The following ARHGEF37 variants were observed in gnomAD, a reference collection of about 807,000 sequenced individuals.
ARHGEF37 encodes Rho guanine nucleotide exchange factor 37, also known as Rho guanine nucleotide exchange factor (GEF) 37.
A neutral mutation model predicts 71.1 loss-of-function variants in ARHGEF37; 55 were observed. The observed-to-expected ratio is 0.77, with a 90% CI of 0.62 to 0.97. The LOEUF (loss-of-function observed/expected upper bound fraction) is 0.97, where lower values mean the gene tolerates loss of function less well. Ranked by LOEUF, ARHGEF37 falls within the 50% of genes least tolerant of loss-of-function variation. The probability of loss-of-function intolerance (pLI) is 0.00; values close to 1 mark genes in which losing one functional copy is unlikely to be tolerated. For synonymous variants in ARHGEF37, 327 were observed against 350.6 expected (o/e 0.93, Z 0.75); for missense variants, 765 against 836.8 (o/e 0.91, Z 1.06).
At chr5:149,574,620 C>G (rs1396985364) in intron 1 of ARHGEF37, among the ~76,000 whole-genome samples, 3 of 152,192 alleles carry the variant, frequency 2.0e-5, no homozygotes, top group Non-Finnish European at 4.4e-5. Flanking sequence ...ACCTCCTAGT[C>G]TATATTGCCA....
chr5:149,556,353 C>T (rs1762755751), intron 1 of ARHGEF37, among the ~76,000 whole-genome samples: 1 of 142,306 alleles, frequency 7.0e-6, no homozygotes, highest in South Asian at 2.2e-4. Context: ...GCCACCATGC[C>T]CAGCTAGTTT....
intron 1 of ARHGEF37, among the ~76,000 whole-genome samples, chr5:149,569,951 CT>C (rs1476092510): frequency 1.3e-5 from 2 of 152,084 alleles, no homozygotes; most frequent in African/African-American, 2.4e-5. Flanking sequence ...AACTGCCAAA[CT>C]TTTTTTCCAA....
chr5:149,568,234 C>G (rs1413649907), intron 1 of ARHGEF37, among the ~76,000 whole-genome samples: 2 of 151,950 alleles, frequency 1.3e-5, no homozygotes, highest in African/African-American at 4.8e-5. Context: ...GCCATATTGC[C>G]TAGGTTGGTC....
chr5:149,613,641 G>A (rs900632751), intron 4 of ARHGEF37, among the ~76,000 whole-genome samples: 7 of 152,096 alleles, frequency 4.6e-5, no homozygotes, highest in South Asian at 2.1e-4. Flanking sequence ...CACGGCGCCC[G>A]TCTGATAGAA....
At chr5:149,619,745 A>C (rs1373247907) in intron 7 of ARHGEF37, among the ~76,000 whole-genome samples, 1 of 152,200 alleles carries the variant, frequency 6.6e-6, no homozygotes, top group Non-Finnish European at 1.5e-5. Context: ...GAAAAGTATT[A>C]ATAGAACATG....
rs531045351 is a variant in ARHGEF37 at position 149,618,168 on chromosome 5, C to G, written c.659-8C>G. 1.9e-6 allele frequency: 3 copies of G among 1,613,832 alleles called. No homozygotes were observed. The highest frequency in any genetic ancestry group is 1.7e-6 in the Non-Finnish European group (2 of 1,179,916). On this transcript the variant is annotated splice_polypyrimidine_tract_variant and splice_region_variant and intron_variant, in intron 5 of 12. Transcript: ENST00000333677. ...TCACCGTGCTTCCCCTCTTCTCTGT[C>G]GTTGCAGCCTCCAAGTACACCAAGG...
intron 1 of ARHGEF37, among the ~76,000 whole-genome samples, chr5:149,582,256 A>G (rs1362180654): frequency 6.6e-6 from 1 of 152,232 alleles, no homozygotes; most frequent in Non-Finnish European, 1.5e-5. Context: ...CACTCCCAGC[A>G]GAAGGGTTCA....
At chr5:149,563,387 C>T (rs1330756201) in intron 1 of ARHGEF37, among the ~76,000 whole-genome samples, 1 of 152,180 alleles carries the variant, frequency 6.6e-6, no homozygotes. Context: ...AGACTTAAGA[C>T]TCTTTCTACT....
intron 10 of ARHGEF37, among the ~76,000 whole-genome samples, chr5:149,626,241 AACAC>A (rs58263212): frequency 0.088 from 11,743 of 133,472 alleles, 562 homozygotes; most frequent in East Asian, 0.17. Flanking sequence ...GAGCATGGTG[AACAC>A]ACACACACAC....
At chr5:149,626,935 C>T in intron 10 of ARHGEF37, 141 bp from the exon 11 acceptor site, 1 of 787,304 alleles carries the variant, frequency 1.3e-6, no homozygotes. Context: ...GGCCCTGTTG[C>T]CCTGATCAGG....
At chr5:149,562,349 G>A (rs966856978) in intron 1 of ARHGEF37, among the ~76,000 whole-genome samples, 4 of 152,242 alleles carry the variant, frequency 2.6e-5, no homozygotes, top group Non-Finnish European at 4.4e-5. Context: ...TTCCTGGCCA[G>A]TATAAGAGCT....
chr5:149,575,671 ATTTTTTTTTTT>A (rs751297275), intron 1 of ARHGEF37, among the ~76,000 whole-genome samples: 39,507 of 107,618 alleles, frequency 0.37, 6,052 homozygotes, highest in South Asian at 0.5. Context: ...CCAAATGACT[ATTTTTTTTTTT>A]TTTTTTTTTT....
intron 4 of ARHGEF37, among the ~76,000 whole-genome samples, chr5:149,613,046 C>T (rs1482540897): frequency 6.6e-6 from 1 of 152,204 alleles, no homozygotes; most frequent in East Asian, 1.9e-4. Flanking sequence ...GAAAAGGCGG[C>T]CTTGCAGAGG....
At chr5:149,563,475 C>G (rs1580880865) in intron 1 of ARHGEF37, among the ~76,000 whole-genome samples, 1 of 152,180 alleles carries the variant, frequency 6.6e-6, no homozygotes, top group Non-Finnish European at 1.5e-5. Context: ...TTCTGTCATT[C>G]TTCTTAGCCT....
intron 1 of ARHGEF37, among the ~76,000 whole-genome samples, chr5:149,568,109 A>G (rs1044118303): frequency 6.6e-5 from 10 of 151,104 alleles, no homozygotes; most frequent in Non-Finnish European, 1.3e-4. Context: ...CTATCTATCT[A>G]TCTATGGTTC....
At chr5:149,590,374 C>T (rs558034734) in intron 1 of ARHGEF37, among the ~76,000 whole-genome samples, 38 of 151,130 alleles carry the variant, frequency 2.5e-4, no homozygotes, top group Non-Finnish European at 3.7e-4. Context: ...CTCTGCCTCC[C>T]GGGTTCAAGT....
At chr5:149,626,473 C>G (rs11958967) in intron 10 of ARHGEF37, among the ~76,000 whole-genome samples, 16,659 of 152,148 alleles carry the variant, frequency 0.11, 1,184 homozygotes, top group African/African-American at 0.19. Context: ...CCGAATCATT[C>G]TTTCCAGCTA....
intron 4 of ARHGEF37, 115 bp downstream of exon 4, chr5:149,609,810 C>T: frequency 1.4e-6 from 2 of 1,426,048 alleles, no homozygotes; most frequent in Non-Finnish European, 1.9e-6. Context: ...GTTGCTCTGT[C>T]AGAGCCTGTG....
At chr5:149,593,877 G>A (rs1763477284) in intron 1 of ARHGEF37, among the ~76,000 whole-genome samples, 3 of 152,136 alleles carry the variant, frequency 2.0e-5, no homozygotes, top group Admixed American at 1.3e-4. Flanking sequence ...GAAATTCTGT[G>A]TATAAGTGGA....
Sources: allele counts gnomAD v4.1 joint callset (sites outside exome capture counted in the v4.1 genomes callset), GRCh38; gene constraint gnomAD v4.1.1; transcripts MANE v1.5; gene names NCBI Gene and HGNC (gene_info 2026-07-23, HGNC 2026-07-21).